LYPD6B: variants seen among roughly 807,000 people sequenced by gnomAD.
LYPD6B encodes LY6/PLAUR domain containing 6B.
LYPD6B carries 17 observed loss-of-function variants against 22.8 expected under a neutral mutation model. The ratio of observed to expected loss-of-function variants is 0.75; its 90% CI spans 0.51 to 1.12. LYPD6B has a LOEUF of 1.12. LYPD6B is among the 50% of genes most tolerant of loss of function. LYPD6B has a pLI of 0.00. For synonymous variants in LYPD6B, 106 were observed against 91.6 expected, an observed-to-expected ratio of 1.16 and a Z score of -0.90; for missense variants, 221 against 258.3, an observed-to-expected ratio of 0.86 and a Z score of 0.99.
intron 1 of LYPD6B, among the ~76,000 whole-genome samples, chr2:149,110,574 T>A (rs910507054): frequency 6.6e-6 from 1 of 152,186 alleles, no homozygotes; most frequent in African/African-American, 2.4e-5. Context: ...AAGTCCTTTC[T>A]GAGTACCGTA....
chr2:149,105,470 G>A (rs927279119), intron 1 of LYPD6B, among the ~76,000 whole-genome samples: 2 of 152,036 alleles, frequency 1.3e-5, no homozygotes, highest in Non-Finnish European at 2.9e-5. Context: ...ATTTATTTAA[G>A]TTTTCTTTAC....
chr2:149,179,382 G>A (rs553804712), intron 3 of LYPD6B, among the ~76,000 whole-genome samples: 8 of 152,330 alleles, frequency 5.3e-5, no homozygotes, highest in African/African-American at 1.9e-4. Context: ...GATAAAATCT[G>A]TAGCCTTTAT....
intron 3 of LYPD6B, among the ~76,000 whole-genome samples, chr2:149,173,993 A>G (rs1024624096): frequency 6.6e-6 from 1 of 152,146 alleles, no homozygotes; most frequent in African/African-American, 2.4e-5. Flanking sequence ...CAGTACGGCC[A>G]TTTTCACAAT....
At chr2:149,135,996 C>T (rs570650854) in intron 2 of LYPD6B, among the ~76,000 whole-genome samples, 22 of 152,218 alleles carry the variant, frequency 1.4e-4, no homozygotes, top group African/African-American at 4.8e-4. Flanking sequence ...CCTGCTAATT[C>T]ATATCTTTCC....
intron 4 of LYPD6B, 36 bp from the exon 5 acceptor site, chr2:149,208,278 G>A: frequency 6.5e-7 from 1 of 1,549,924 alleles, no homozygotes. Flanking sequence ...TTTGTCTTCT[G>A]TAGCTTACTG....
chr2:149,205,953 AT>A, intron 4 of LYPD6B: 1 of 440,106 alleles, frequency 2.3e-6, no homozygotes, highest in Non-Finnish European at 4.6e-6. Flanking sequence ...ATGTTAATAC[AT>A]TTTACATACA....
chr2:149,196,385 T>G (rs1385512628), intron 3 of LYPD6B, among the ~76,000 whole-genome samples: 1 of 152,248 alleles, frequency 6.6e-6, no homozygotes, highest in Non-Finnish European at 1.5e-5. Context: ...AATGCCCTCC[T>G]GTTTCAAAAT....
intron 1 of LYPD6B, among the ~76,000 whole-genome samples, chr2:149,115,405 A>G (rs1467692344): frequency 6.6e-6 from 1 of 152,232 alleles, no homozygotes; most frequent in Non-Finnish European, 1.5e-5. Context: ...TTGAAAAACT[A>G]GAATCCTGAT....
intron 3 of LYPD6B, among the ~76,000 whole-genome samples, chr2:149,182,417 T>C (rs1043224387): frequency 1.3e-5 from 2 of 152,268 alleles, no homozygotes; most frequent in African/African-American, 4.8e-5. Context: ...CAACACCTAC[T>C]ATTTTTGGTG....
intron 1 of LYPD6B, among the ~76,000 whole-genome samples, chr2:149,106,352 T>C (rs962368205): frequency 2.6e-4 from 40 of 152,170 alleles, no homozygotes; most frequent in African/African-American, 9.4e-4. Context: ...ATACAGTTGG[T>C]ATTATTTCTT....
At chr2:149,134,077 C>T (rs140789841) in intron 2 of LYPD6B, among the ~76,000 whole-genome samples, 2 of 151,930 alleles carry the variant, frequency 1.3e-5, no homozygotes, top group Admixed American at 6.6e-5. Context: ...GGAATGCTGG[C>T]GGTATTATTT....
intron 2 of LYPD6B, among the ~76,000 whole-genome samples, chr2:149,159,235 G>T (rs1334347612): frequency 6.6e-6 from 1 of 151,210 alleles, no homozygotes; most frequent in Non-Finnish European, 1.5e-5. Flanking sequence ...CTTTGAGGTA[G>T]GGAAGGTTAA....
rs1253982956 is a variant in LYPD6B, at chr2:149,080,859, A to C, written c.-67+42058A>C. On this transcript the variant is annotated intron_variant, in intron 1 of 6. Coordinates refer to ENST00000409642, the MANE Select transcript of LYPD6B (RefSeq NM_177964.5). ...TCTATCTCAAAAAAAAAAAAAAAAA[A>C]AAAAAAAACCACACAAAAAAATTCA... is the stretch of plus-strand genomic sequence containing the variant. 4.5e-5 allele frequency among the ~76,000 whole-genome samples: 6 copies of C among 132,476 alleles called. 1 individual carries two copies. Among genetic ancestry groups the C allele is most frequent in the Admixed American group, 1.5e-4 (2 of 13,320 alleles). 86.9% of individuals were successfully genotyped at this position (132,476 alleles called of 152,430 possible). A position where few individuals can be genotyped will look rare whatever the true frequency, so the allele number is the denominator to read the frequency against.
rs569043003 is a variant in LYPD6B at position 149,206,052 on chromosome 2, G to A, written c.229+648G>A. ...AACGTCTTTGATATACTTTATTAGA[G>A]AGTGATTCTTATAAATAAAAAATTA... On this transcript the variant is annotated intron_variant, in intron 4 of 6. Coordinates refer to ENST00000409642, the MANE Select transcript of LYPD6B (RefSeq NM_177964.5). The A allele has an allele frequency of 1.1e-3, 489 of 465,156 alleles. 2 individuals are homozygous for A. The highest frequency in any genetic ancestry group is 9.1e-3 in the African/African-American group (455 of 49,768). The allele number at this position is 465,156 out of a possible 1,614,324, so 28.8% of individuals were successfully genotyped here.
chr2:149,134,188 G>T (rs1688210998), intron 2 of LYPD6B, among the ~76,000 whole-genome samples: 1 of 152,100 alleles, frequency 6.6e-6, no homozygotes, highest in South Asian at 2.1e-4. Flanking sequence ...CAGGCAGAGG[G>T]CTTAGTGGGA....
chr2:149,152,539 G>A (rs980905782), intron 2 of LYPD6B, among the ~76,000 whole-genome samples: 2 of 152,172 alleles, frequency 1.3e-5, no homozygotes, highest in Non-Finnish European at 2.9e-5. Context: ...ACAGACGTAG[G>A]GCATCCTTAA....
intron 1 of LYPD6B, among the ~76,000 whole-genome samples, chr2:149,046,978 G>A (rs1368596986): frequency 6.6e-6 from 1 of 152,122 alleles, no homozygotes; most frequent in African/African-American, 2.4e-5. Flanking sequence ...CTTTACAAAT[G>A]TATTTCAAAA....
At chr2:149,051,168 TA>T (rs1683534494) in intron 1 of LYPD6B, among the ~76,000 whole-genome samples, 1 of 151,856 alleles carries the variant, frequency 6.6e-6, no homozygotes, top group Non-Finnish European at 1.5e-5. Flanking sequence ...ATATTATTAT[TA>T]TTATTATTTT....
chr2:149,149,759 G>A (rs145881868), intron 2 of LYPD6B, among the ~76,000 whole-genome samples: 202 of 152,028 alleles, frequency 1.3e-3, no homozygotes, highest in African/African-American at 4.6e-3. Flanking sequence ...CCTTCATATC[G>A]TCTATCCTCA....
Sources: gnomAD v4.1 joint callset for allele counts (sites outside exome capture counted in the v4.1 genomes callset) on GRCh38, gnomAD v4.1.1 for gene constraint, MANE v1.5 for transcripts, NCBI Gene and HGNC (gene_info 2026-07-23, HGNC 2026-07-21) for gene names.